Variants in RIPK1 observed in about 807,000 individuals in gnomAD.
The protein encoded by RIPK1 is receptor interacting serine/threonine kinase 1.
Under a neutral mutation model 62.4 loss-of-function variants are expected in RIPK1, and 27 were observed. That is an observed-to-expected ratio of 0.43 (90% confidence interval 0.32 to 0.60). The LOEUF is 0.60. Among genes scored for constraint, RIPK1 ranks in the 20% least tolerant of loss-of-function variants. The probability of loss-of-function intolerance (pLI) is 0.07; values close to 1 mark genes in which losing one functional copy is unlikely to be tolerated. For missense variants in RIPK1, 735 were observed against 831.0 expected, an observed-to-expected ratio of 0.88 and a Z score of 1.42; for synonymous variants, 287 against 303.2, an observed-to-expected ratio of 0.95 and a Z score of 0.55.
intron 7 of RIPK1, among the ~76,000 whole-genome samples, chr6:3,099,821 C>G (rs1760504005): frequency 6.6e-6 from 1 of 152,158 alleles, no homozygotes; most frequent in Non-Finnish European, 1.5e-5. Context: ...CCAACAAACT[C>G]CACAAGCCCA....
intron 7 of RIPK1, among the ~76,000 whole-genome samples, chr6:3,102,328 T>C (rs1258612398): frequency 6.6e-6 from 1 of 152,190 alleles, no homozygotes; most frequent in Non-Finnish European, 1.5e-5. Context: ...TATTAAAATA[T>C]GGTATAAAGT....
intron 7 of RIPK1, 143 bp downstream of exon 7, chr6:3,089,800 G>T: frequency 1.7e-6 from 1 of 591,412 alleles, no homozygotes; most frequent in Non-Finnish European, 3.1e-6. Context: ...GCAATTGTCT[G>T]CACATATCAT....
At chr6:3,112,809 G>A (rs1025901244) in intron 10 of RIPK1, among the ~76,000 whole-genome samples, 2 of 152,192 alleles carry the variant, frequency 1.3e-5, no homozygotes, top group East Asian at 3.9e-4. Flanking sequence ...AAAGTGTTGG[G>A]ATTATAGGCA....
chr6:3,067,069 T>TTTTTC (rs1302326295), upstream of RIPK1, among the ~76,000 whole-genome samples: 1 of 150,000 alleles, frequency 6.7e-6, no homozygotes, highest in African/African-American at 2.5e-5. Context: ...TTTTTTTTTT[T>TTTTTC]TTTTTGTGGC....
chr6:3,076,596 C>T (rs1269299936), intron 1 of RIPK1, among the ~76,000 whole-genome samples, 168 bp from the exon 2 acceptor site: 1 of 151,084 alleles, frequency 6.6e-6, no homozygotes, highest in East Asian at 1.9e-4. Flanking sequence ...AGGAGGATTG[C>T]CTGAGCCCAG....
Position 3,114,619 on chromosome 6 carries a change from T to C in RIPK1, c.*1280T>C, listed in dbSNP as rs1761318028. On this transcript the variant is annotated 3_prime_UTR_variant, in exon 11 of 11. Transcript: ENST00000259808. The surrounding 1 kb of genome is among the most constrained non-coding windows in gnomAD (Gnocchi z 5.0). ...CTGGTGTCTTGGGCTGATAACAGTGTTGTTGATTCTGATTGTGAATCCCCT... is the reference window on the plus strand; with the variant it reads ...CTGGTGTCTTGGGCTGATAACAGTGCTGTTGATTCTGATTGTGAATCCCCT... The C allele has an allele frequency of 6.6e-6, 1 of 152,246 alleles. No individual in the cohort carries two copies. The highest frequency in any genetic ancestry group is 2.4e-5 in the African/African-American group (1 of 41,450). The allele number at this position is 152,246 out of a possible 1,614,324, so 9.4% of individuals were successfully genotyped here.
chr6:3,112,206 CT>C (rs1761197118), intron 10 of RIPK1, among the ~76,000 whole-genome samples: 1 of 152,110 alleles, frequency 6.6e-6, no homozygotes, highest in South Asian at 2.1e-4. Flanking sequence ...TACCTCGTCG[CT>C]TGAAAGACAA....
intron 4 of RIPK1, 58 bp from the exon 5 acceptor site, chr6:3,083,027 G>A: frequency 6.5e-7 from 1 of 1,543,874 alleles, no homozygotes; most frequent in Non-Finnish European, 8.9e-7. Context: ...TTGAAAGTCA[G>A]ATCTGATTTG....
Position 3,113,088 on chromosome 6 carries a change from C to T in RIPK1, c.1765C>T (p.Pro589Ser). The T allele has an allele frequency of 6.3e-7, 1 of 1,592,298 alleles. No individual in the cohort carries two copies. The change falls in exon 11 of 11, where the codon CCA (proline) becomes TCA (serine). Residue 589 changes from proline to serine, a missense_variant. By Grantham distance (74) the Pro-to-Ser change is moderately conservative. This residue lies in a region of RIPK1 where 64 missense variants were observed against 104.8 expected (regional missense o/e 0.61). Coordinates refer to ENST00000259808, the MANE Select transcript of RIPK1 (RefSeq NM_001354930.2). This position sits in a 1 kb window ranked among gnomAD's most constrained non-coding sequence, Gnocchi z 5.0. ...TAGTCTGACGGATAAACACCTGGACCCAATCAGGGAAAATCTGGGAAAGCA... is the reference window on the plus strand; with the variant it reads ...TAGTCTGACGGATAAACACCTGGACTCAATCAGGGAAAATCTGGGAAAGCA... ...TTSLTDKHLD[P>S]IRENLGKHWK...
At chr6:3,065,017 C>T (rs1201082716), upstream of RIPK1, among the ~76,000 whole-genome samples, 4 of 151,798 alleles carry the variant, frequency 2.6e-5, no homozygotes, top group South Asian at 8.3e-4. Context: ...CCGAGGCGGG[C>T]GGATCACGAG....
chr6:3,083,030 C>G lies in RIPK1; in HGVS notation c.460-55C>G, dbSNP rs1759483252. 5 of 1,551,054 alleles carry G rather than the reference C, an allele frequency of 3.2e-6. No individual in the cohort carries two copies. The Admixed American group carries it at 8.4e-5, about 26-fold the overall frequency. ...ATAAGCCCAAAATTGAAAGTCAGAT[C>G]TGATTTGCTTACGGCCTTCACCAAA... On this transcript the variant is annotated intron_variant, in intron 4 of 10. Coordinates refer to ENST00000259808, the MANE Select transcript of RIPK1 (RefSeq NM_001354930.2).
Position 3,107,251 on chromosome 6 carries a change from C to T in RIPK1, c.1576+1200C>T, listed in dbSNP as rs1335109976. Among the ~76,000 whole-genome samples, 8 of 124,674 alleles carry T rather than the reference C, an allele frequency of 6.4e-5. No homozygotes were observed. The East Asian group carries it at 1.6e-3, about 26-fold the overall frequency. The allele number at this position is 124,674 out of a possible 152,430, so 81.8% of individuals were successfully genotyped here. On this transcript the variant is annotated intron_variant, in intron 9 of 10. Coordinates refer to ENST00000259808, the MANE Select transcript of RIPK1 (RefSeq NM_001354930.2). ...TGGGCAACAGAGTGAGATTGTGTCTCGAAAAAAAAAAAAAAATTCCACTGG... is the reference window on the plus strand; with the variant it reads ...TGGGCAACAGAGTGAGATTGTGTCTTGAAAAAAAAAAAAAAATTCCACTGG...
chr6:3,101,793 T>C (rs1760600153), intron 7 of RIPK1, among the ~76,000 whole-genome samples: 1 of 152,238 alleles, frequency 6.6e-6, no homozygotes, highest in Non-Finnish European at 1.5e-5. Flanking sequence ...CAAAATATAC[T>C]TAACATAAAA....
At position 3,072,950 on chromosome 6, in the gene RIPK1, AG is replaced by A. The variant is rs1278404208; in HGVS notation, c.-60-3811del. Among the ~76,000 whole-genome samples the A allele has an allele frequency of 2.0e-5, 3 of 152,156 alleles. No individual in the cohort carries two copies. Among genetic ancestry groups the A allele is most frequent in the Non-Finnish European group, 2.9e-5 (2 of 68,014 alleles). ...CTCATTCTCACTAGGATTGGTCAGT[AG>A]GGCCCTGCTGACAGAGTGATCCCAG... On this transcript the variant is annotated intron_variant, in intron 1 of 10. Transcript: ENST00000259808. The surrounding 1 kb of genome is among the most constrained non-coding windows in gnomAD (Gnocchi z 5.6).
intron 6 of RIPK1, 36 bp from the exon 7 acceptor site, chr6:3,089,545 T>C (rs1561760966): frequency 4.1e-6 from 4 of 985,168 alleles, no homozygotes; most frequent in Non-Finnish European, 6.4e-6. Context: ...TGTTAGAAAA[T>C]AATTAAGAAA....
At chr6:3,100,052 T>C (rs1760514398) in intron 7 of RIPK1, among the ~76,000 whole-genome samples, 1 of 152,122 alleles carries the variant, frequency 6.6e-6, no homozygotes, top group African/African-American at 2.4e-5. Context: ...TATAGAAAGA[T>C]CTTCAAGATT....
Position 3,098,299 on chromosome 6 carries a change from T to A in RIPK1, c.916-5926T>A, listed in dbSNP as rs115752096. 4.0e-3 allele frequency among the ~76,000 whole-genome samples: 607 copies of A among 152,318 alleles called. 2 individuals are homozygous for A. Among genetic ancestry groups the A allele is most frequent in the African/African-American group, 0.014 (589 of 41,562 alleles). ...TGTATAAATCGGAAAGGAAAAGATA[T>A]GCAACCCAGTTAAAACAGGGATGAA... On this transcript the variant is annotated intron_variant, in intron 7 of 10. Coordinates refer to ENST00000259808, the MANE Select transcript of RIPK1 (RefSeq NM_001354930.2).
At chr6:3,087,861 G>A (rs1189228421) in intron 6 of RIPK1, among the ~76,000 whole-genome samples, 1 of 151,996 alleles carries the variant, frequency 6.6e-6, no homozygotes, top group Admixed American at 6.6e-5. Flanking sequence ...ATTATGTTTT[G>A]GTCATTAAAG....
chr6:3,107,092 T>A lies in RIPK1; in HGVS notation c.1576+1041T>A, dbSNP rs183044277. Among the ~76,000 whole-genome samples the A allele has an allele frequency of 1.6e-4, 24 of 151,124 alleles. 1 individual carries two copies. The East Asian group carries it at 3.7e-3, about 23-fold the overall frequency. On this transcript the variant is annotated intron_variant, in intron 9 of 10. Transcript: ENST00000259808. ...ATGGTAAAACCCTGTCTCTACTAAA[T>A]AATACAAAAATTAGCCAGGCGTGGT... is the stretch of plus-strand genomic sequence containing the variant.
Sources: allele counts gnomAD v4.1 joint callset (sites outside exome capture counted in the v4.1 genomes callset), GRCh38; gene constraint gnomAD v4.1.1; regional missense constraint gnomAD v4.1.1; non-coding constraint Gnocchi (gnomAD v3.1); transcripts MANE v1.5; gene names NCBI Gene and HGNC (gene_info 2026-07-23, HGNC 2026-07-21).